The following ADAMTS3 variants were observed in gnomAD, a reference collection of about 807,000 sequenced individuals.
ADAMTS3 encodes the protein ADAM metallopeptidase with thrombospondin type 1 motif 3.
ADAMTS3 carries 73 observed loss-of-function variants against 129.0 expected under a neutral mutation model. The observed-to-expected ratio is 0.57, with a 90% CI of 0.47 to 0.69. The LOEUF is 0.69. ADAMTS3 is among the 30% of genes least tolerant of loss of function. The pLI is 0.00. For missense variants in ADAMTS3, 1,457 were observed against 1,514.5 expected (o/e 0.96, Z 0.63); for synonymous variants, 477 against 510.8 (o/e 0.93, Z 0.89).
chr4:72,480,054 A>G (rs367863631), intron 3 of ADAMTS3, among the ~76,000 whole-genome samples: 6 of 152,050 alleles, frequency 3.9e-5, no homozygotes, highest in African/African-American at 7.2e-5. Context: ...AACAGGTGCT[A>G]GAGAGGATGT....
At chr4:72,534,141 C>T (rs1161016539) in intron 3 of ADAMTS3, among the ~76,000 whole-genome samples, 1 of 152,062 alleles carries the variant, frequency 6.6e-6, no homozygotes, top group African/African-American at 2.4e-5. Flanking sequence ...TCCTGGCTAA[C>T]ACGGTGAAAA....
chr4:72,382,813 A>G (rs976257947), intron 4 of ADAMTS3, among the ~76,000 whole-genome samples: 1 of 152,170 alleles, frequency 6.6e-6, no homozygotes, highest in African/African-American at 2.4e-5. Flanking sequence ...TCACTTATAC[A>G]TGGGAGCTAA....
chr4:72,420,702 C>A (rs1722422039), intron 3 of ADAMTS3, among the ~76,000 whole-genome samples: 1 of 152,124 alleles, frequency 6.6e-6, no homozygotes, highest in South Asian at 2.1e-4. Flanking sequence ...ACTAGACACT[C>A]AATAAATACC....
intron 4 of ADAMTS3, among the ~76,000 whole-genome samples, chr4:72,377,121 C>A (rs1205728941): frequency 6.6e-6 from 1 of 152,172 alleles, no homozygotes; most frequent in Non-Finnish European, 1.5e-5. Flanking sequence ...GTACTGCACA[C>A]CCACAAAGGC....
At position 72,312,473 on chromosome 4, in the gene ADAMTS3, A is replaced by G; in HGVS notation, c.1746-7T>C. 4 of 1,612,666 alleles carry G rather than the reference A, an allele frequency of 2.5e-6. No individual in the cohort carries two copies. The highest frequency in any genetic ancestry group is 3.4e-6 in the Non-Finnish European group (4 of 1,179,134). The stretch of plus-strand genomic sequence containing the variant: ...CTGACCACCATTGATGGGCCTAAAG[A>G]AAAGACAACATTTAAAAAGGCCTTT... On this transcript the variant is annotated splice_region_variant and splice_polypyrimidine_tract_variant and intron_variant, in intron 12 of 21. Coordinates refer to ENST00000286657, the MANE Select transcript of ADAMTS3 (RefSeq NM_014243.3).
At chr4:72,567,525 G>T in intron 1 of ADAMTS3, 124 bp from the exon 2 acceptor site, 1 of 926,920 alleles carries the variant, frequency 1.1e-6, no homozygotes, top group Non-Finnish European at 1.7e-6. Context: ...TAGAGACTGG[G>T]ATTGGTGCCT....
chr4:72,429,650 G>C (rs948805678), intron 3 of ADAMTS3, among the ~76,000 whole-genome samples: 8 of 152,000 alleles, frequency 5.3e-5, no homozygotes, highest in African/African-American at 1.9e-4. Context: ...TTGAGGATAT[G>C]TATTAAAGAT....
At chr4:72,431,855 C>G (rs930458715) in intron 3 of ADAMTS3, among the ~76,000 whole-genome samples, 1 of 151,308 alleles carries the variant, frequency 6.6e-6, no homozygotes, top group Admixed American at 6.6e-5. Flanking sequence ...AAAGAGCCCA[C>G]GAAAAAATAG....
chr4:72,503,129 T>C (rs1720070339), intron 3 of ADAMTS3, among the ~76,000 whole-genome samples: 1 of 152,106 alleles, frequency 6.6e-6, no homozygotes, highest in South Asian at 2.1e-4. Flanking sequence ...GTTCAAGCGA[T>C]TCTCTGCCTC....
chr4:72,490,638 T>A (rs1193760981), intron 3 of ADAMTS3, among the ~76,000 whole-genome samples: 1 of 151,930 alleles, frequency 6.6e-6, no homozygotes, highest in Non-Finnish European at 1.5e-5. Context: ...TGGCACATTG[T>A]TAAAGACCAG....
chr4:72,298,446 A>G lies in ADAMTS3; in HGVS notation c.2425-4T>C. The G allele has an allele frequency of 6.3e-7, 1 of 1,583,498 alleles. No homozygotes were observed. Among genetic ancestry groups the G allele is most frequent in the Non-Finnish European group, 8.6e-7 (1 of 1,160,934 alleles). ...TATCATTTTCTTGAGGTATAATCTAACATACACATGAAATCAATATGTAAA... is the reference window on the plus strand; with the variant it reads ...TATCATTTTCTTGAGGTATAATCTAGCATACACATGAAATCAATATGTAAA... On this transcript the variant is annotated splice_region_variant and splice_polypyrimidine_tract_variant and intron_variant, in intron 17 of 21. Transcript: ENST00000286657.
chr4:72,316,705 A>G (rs144535610), intron 10 of ADAMTS3, among the ~76,000 whole-genome samples: 7 of 150,782 alleles, frequency 4.6e-5, no homozygotes, highest in South Asian at 2.1e-4. Flanking sequence ...TAATAATAAT[A>G]ATAATAATAA....
rs192990803 is a variant in ADAMTS3 at position 72,451,520 on chromosome 4, A to T, written c.505-36549T>A. Among the ~76,000 whole-genome samples, 15 of 151,932 alleles carry T rather than the reference A, an allele frequency of 9.9e-5. No homozygotes were observed. In the East Asian group the frequency reaches 1.6e-3, roughly 16 times the overall value. ...AAGCTAGCCCTGGCCCAGCGCCAAC[A>T]TATTTAGAAAGAAGGCCAGCTCCAT... On this transcript the variant is annotated intron_variant, in intron 3 of 21. Transcript: ENST00000286657.
chr4:72,318,820 G>A (rs1225189812), intron 9 of ADAMTS3, 116 bp from the exon 10 acceptor site: 1 of 1,069,986 alleles, frequency 9.3e-7, no homozygotes, highest in East Asian at 2.7e-5. Context: ...AGATCATACA[G>A]CAAATTTGCA....
At chr4:72,473,936 G>A (rs1347686011) in intron 3 of ADAMTS3, among the ~76,000 whole-genome samples, 1 of 152,162 alleles carries the variant, frequency 6.6e-6, no homozygotes, top group Non-Finnish European at 1.5e-5. Context: ...AAGACCATGT[G>A]GAGAGCCAAA....
chr4:72,453,761 AAGTAGGCCTAAAC>A (rs1456974798), intron 3 of ADAMTS3, among the ~76,000 whole-genome samples: 6 of 151,588 alleles, frequency 4.0e-5, no homozygotes, highest in African/African-American at 1.5e-4. Context: ...AAGGATAAAA[AAGTAGGCCTAAAC>A]AGAGACAACT....
At chr4:72,492,801 A>C (rs1315838509) in intron 3 of ADAMTS3, among the ~76,000 whole-genome samples, 1 of 151,870 alleles carries the variant, frequency 6.6e-6, no homozygotes, top group African/African-American at 2.4e-5. Flanking sequence ...TAAATATGGT[A>C]CTAAAGTCCC....
Position 72,500,121 on chromosome 4 carries a change from T to A in ADAMTS3, c.504+48357A>T, listed in dbSNP as rs59323639. On this transcript the variant is annotated intron_variant, in intron 3 of 21. Coordinates refer to ENST00000286657, the MANE Select transcript of ADAMTS3 (RefSeq NM_014243.3). ...TGTGTCTTCTTGGTAGAATGATTTA[T>A]TTTCTTTTGGATATATACCCAGTAA... Among the ~76,000 whole-genome samples, 926 of 152,230 alleles carry A rather than the reference T, an allele frequency of 6.1e-3. 17 individuals are homozygous for A. Among genetic ancestry groups the A allele is most frequent in the African/African-American group, 0.021 (880 of 41,530 alleles).
intron 20 of ADAMTS3, 61 bp from the exon 21 acceptor site, chr4:72,288,929 C>T (rs1203219301): frequency 1.3e-4 from 56 of 428,702 alleles, no homozygotes; most frequent in African/African-American, 4.1e-4. Context: ...CACATACACA[C>T]ACACACACAC....
Sources: gnomAD v4.1 joint callset for allele counts (sites outside exome capture counted in the v4.1 genomes callset) on GRCh38, gnomAD v4.1.1 for gene constraint, MANE v1.5 for transcripts, NCBI Gene and HGNC (gene_info 2026-07-23, HGNC 2026-07-21) for gene names.